DDX46: variants seen among roughly 807,000 people sequenced by gnomAD.
DDX46 encodes the protein probable ATP-dependent RNA helicase DDX46.
DDX46 carries 30 observed loss-of-function variants against 134.9 expected under a neutral mutation model. The observed-to-expected ratio is 0.22, with a 90% CI of 0.17 to 0.30. The LOEUF (loss-of-function observed/expected upper bound fraction) is 0.30, where lower values mean the gene tolerates loss of function less well. Among genes scored for constraint, DDX46 ranks in the 10% least tolerant of loss-of-function variants. The pLI is 1.00. For synonymous variants in DDX46, 415 were observed against 404.1 expected, an observed-to-expected ratio of 1.03 and a Z score of -0.32; for missense variants, 622 against 1,248.7, an observed-to-expected ratio of 0.50 and a Z score of 7.56.
rs532002635 is a variant in DDX46 at position 134,796,381 on chromosome 5, T to C, written c.1954+231T>C. Among the ~76,000 whole-genome samples the C allele has an allele frequency of 2.4e-4, 37 of 152,342 alleles. No homozygotes were observed. In the South Asian group the frequency reaches 2.9e-3, roughly 12 times the overall value. On this transcript the variant is annotated intron_variant, in intron 15 of 22. Transcript: ENST00000452510. ...AAGTTCCATCGCCATTTATCAACTA[T>C]GGAGGAATTGAATTTAACTTTTCTC...
chr5:134,823,843 A>C (rs149049892), intron 21 of DDX46, among the ~76,000 whole-genome samples: 1 of 152,308 alleles, frequency 6.6e-6, no homozygotes, highest in East Asian at 1.9e-4. Context: ...TGATAGAGGA[A>C]TGTGGCAATA....
chr5:134,797,893 A>G (rs1481572715), intron 15 of DDX46, among the ~76,000 whole-genome samples: 1 of 151,698 alleles, frequency 6.6e-6, no homozygotes, highest in Non-Finnish European at 1.5e-5. Flanking sequence ...GCTCACTGCA[A>G]CCTCCGCCTC....
intron 7 of DDX46, 31 bp from the exon 8 acceptor site, chr5:134,781,890 T>G: frequency 6.3e-7 from 1 of 1,583,892 alleles, no homozygotes; most frequent in Non-Finnish European, 8.5e-7. Context: ...GTAATGAACT[T>G]AGCGCTTTAA....
chr5:134,786,639 T>C (rs1265025233), intron 11 of DDX46, among the ~76,000 whole-genome samples: 1 of 152,060 alleles, frequency 6.6e-6, no homozygotes, highest in East Asian at 1.9e-4. Context: ...GGTCAGGAGC[T>C]CAAGACCAGC....
intron 15 of DDX46, among the ~76,000 whole-genome samples, chr5:134,805,753 A>G (rs1754967536): frequency 6.6e-6 from 1 of 150,542 alleles, no homozygotes; most frequent in Non-Finnish European, 1.5e-5. Context: ...GGCTGGTCTC[A>G]AACTCCTGAC....
chr5:134,769,584 A>G (rs1232672937), intron 3 of DDX46, among the ~76,000 whole-genome samples: 2 of 138,656 alleles, frequency 1.4e-5, no homozygotes, highest in Non-Finnish European at 3.0e-5. Context: ...CTTGTCTCCC[A>G]GGCTGGTGGG....
intron 12 of DDX46, chr5:134,790,092 A>G (rs1315148130): frequency 2.2e-6 from 1 of 462,508 alleles, no homozygotes; most frequent in Non-Finnish European, 4.3e-6. Context: ...AATCTCTAAT[A>G]TGTTTTTTTC....
At chr5:134,764,123 G>A (rs368844698) in intron 2 of DDX46, 31 bp downstream of exon 2, 7 of 1,576,630 alleles carry the variant, frequency 4.4e-6, no homozygotes, top group Admixed American at 1.9e-5. Flanking sequence ...CAAAAGACGA[G>A]TGATAAATTG....
intron 22 of DDX46, among the ~76,000 whole-genome samples, chr5:134,827,308 A>C (rs1426895390): frequency 6.8e-6 from 1 of 147,892 alleles, no homozygotes; most frequent in Non-Finnish European, 1.5e-5. Flanking sequence ...TGAGTCTTGC[A>C]TTGTCACCCA....
chr5:134,823,857 C>A (rs543761359), intron 21 of DDX46, among the ~76,000 whole-genome samples: 2 of 152,276 alleles, frequency 1.3e-5, no homozygotes, highest in South Asian at 4.1e-4. Flanking sequence ...GGCAATAAAA[C>A]CTTTGGTGTA....
Position 134,811,687 on chromosome 5 carries a change from T to C in DDX46, c.2287-9T>C, listed in dbSNP as rs1303461219. 1 of 1,579,252 alleles carries C rather than the reference T, an allele frequency of 6.3e-7. No individual in the cohort carries two copies. Among genetic ancestry groups the C allele is most frequent in the Non-Finnish European group, 8.5e-7 (1 of 1,169,832 alleles). The stretch of plus-strand genomic sequence containing the variant: ...CTATGAGATTAACTTCGTTTTCTTT[T>C]TTTGAAAGGAGGGGAAAATAATTAA... On this transcript the variant is annotated splice_polypyrimidine_tract_variant and intron_variant, in intron 17 of 22. Transcript: ENST00000452510.
intron 6 of DDX46, among the ~76,000 whole-genome samples, chr5:134,778,975 C>T (rs982681126): frequency 2.6e-5 from 4 of 152,152 alleles, no homozygotes; most frequent in Admixed American, 6.6e-5. Flanking sequence ...CGGCTCACTG[C>T]AACTTCCACC....
chr5:134,810,128 G>A (rs527570621), intron 16 of DDX46, among the ~76,000 whole-genome samples: 1 of 152,004 alleles, frequency 6.6e-6, no homozygotes, highest in Admixed American at 6.5e-5. Flanking sequence ...GCCCAGGCTG[G>A]CCTCCAACTC....
At position 134,829,571 on chromosome 5, in the gene DDX46, T is replaced by A. The variant is rs556069710; in HGVS notation, c.*865T>A. On this transcript the variant is annotated 3_prime_UTR_variant, in exon 23 of 23. Transcript: ENST00000452510. Reference sequence around the variant, plus strand: ...CAGGATTATTGAGTAGGTTGTGAATTTTCTTTCTTAAAAATTGTAAAACAT... The same window carrying A: ...CAGGATTATTGAGTAGGTTGTGAATATTCTTTCTTAAAAATTGTAAAACAT... 13 of 152,342 alleles carry A rather than the reference T, an allele frequency of 8.5e-5. 1 individual carries two copies. Among genetic ancestry groups the A allele is most frequent in the Admixed American group, 2.6e-4 (4 of 15,292 alleles). 9.4% of individuals were successfully genotyped at this position (152,342 alleles called of 1,614,324 possible). A position where few individuals can be genotyped will look rare whatever the true frequency, so the allele number is the denominator to read the frequency against.
chr5:134,764,703 C>T (rs1047743267), intron 2 of DDX46, among the ~76,000 whole-genome samples: 5 of 152,068 alleles, frequency 3.3e-5, no homozygotes, highest in Non-Finnish European at 1.5e-5. Flanking sequence ...AAGTTATATT[C>T]AAGAGGGTTC....
chr5:134,816,993 G>A (rs920369851), intron 19 of DDX46: 2 of 178,782 alleles, frequency 1.1e-5, no homozygotes, highest in African/African-American at 4.8e-5. Context: ...TTAAACAGTG[G>A]AGAAATGTGA....
chr5:134,798,572 ACTGT>A (rs1366930467), intron 15 of DDX46, among the ~76,000 whole-genome samples: 1 of 152,218 alleles, frequency 6.6e-6, no homozygotes, highest in East Asian at 1.9e-4. Flanking sequence ...AACCTTCACT[ACTGT>A]CTATTTCTAG....
chr5:134,759,304 A>G (rs1458646462), intron 1 of DDX46, among the ~76,000 whole-genome samples: 4 of 152,234 alleles, frequency 2.6e-5, no homozygotes, highest in African/African-American at 2.4e-5. Flanking sequence ...CGCGTTTCCA[A>G]CATTTCCTCG....
At chr5:134,809,402 C>T (rs548726375) in intron 16 of DDX46, among the ~76,000 whole-genome samples, 28 of 152,232 alleles carry the variant, frequency 1.8e-4, no homozygotes, top group African/African-American at 6.3e-4. Context: ...GAGTCTCGCT[C>T]TGTTGCCCAG....
Sources: gnomAD v4.1 joint callset for allele counts (sites outside exome capture counted in the v4.1 genomes callset) on GRCh38, gnomAD v4.1.1 for gene constraint, MANE v1.5 for transcripts, NCBI Gene and HGNC (gene_info 2026-07-23, HGNC 2026-07-21) for gene names.